LRBA: variants seen among roughly 807,000 people sequenced by gnomAD.
LRBA encodes LPS responsive beige-like anchor protein, also known as lipopolysaccharide-responsive and beige-like anchor protein.
A neutral mutation model predicts 330.0 loss-of-function variants in LRBA; 176 were observed. The observed-to-expected ratio is 0.53, with a 90% CI of 0.47 to 0.60. The LOEUF is 0.60. LRBA is among the 20% of genes least tolerant of loss of function. LRBA has a pLI of 0.00. For missense variants in LRBA, 3,259 were observed against 3,444.8 expected (o/e 0.95, Z 1.35); for synonymous variants, 1,230 against 1,193.0 (o/e 1.03, Z -0.64).
intron 44 of LRBA, among the ~76,000 whole-genome samples, chr4:150,460,234 T>C (rs986796267): frequency 6.6e-6 from 1 of 151,894 alleles, no homozygotes; most frequent in Non-Finnish European, 1.5e-5. Context: ...TCAAGATGCA[T>C]GCTGTATATT....
At chr4:150,639,588 C>CAAAAAA (rs879128535) in intron 37 of LRBA, among the ~76,000 whole-genome samples, 2 of 46,266 alleles carry the variant, frequency 4.3e-5, no homozygotes, top group East Asian at 6.4e-4. Flanking sequence ...GCAGAAGGAG[C>CAAAAAA]AAAAAAAAAA....
At chr4:150,774,535 G>A (rs549762744) in intron 34 of LRBA, among the ~76,000 whole-genome samples, 23 of 152,312 alleles carry the variant, frequency 1.5e-4, no homozygotes, top group African/African-American at 5.5e-4. Flanking sequence ...AATACTGACT[G>A]ACTTGTAGAA....
intron 2 of LRBA, among the ~76,000 whole-genome samples, chr4:151,009,794 C>G (rs1245284528): frequency 6.6e-6 from 1 of 151,778 alleles, no homozygotes; most frequent in Non-Finnish European, 1.5e-5. Flanking sequence ...TCCTGGCTAA[C>G]ACGGTTAAAC....
At chr4:150,463,544 C>T (rs758973068) in intron 44 of LRBA, among the ~76,000 whole-genome samples, 98 of 151,958 alleles carry the variant, frequency 6.4e-4, no homozygotes, top group Non-Finnish European at 1.1e-3. Flanking sequence ...TGCAGCCCCC[C>T]CTTTTTTACT....
chr4:150,314,068 A>G (rs1375455296), intron 51 of LRBA, among the ~76,000 whole-genome samples: 1 of 151,916 alleles, frequency 6.6e-6, no homozygotes, highest in East Asian at 1.9e-4. Flanking sequence ...AATATTTACT[A>G]TCTGGCCCTT....
intron 37 of LRBA, among the ~76,000 whole-genome samples, chr4:150,640,103 C>T (rs751652305): frequency 8.6e-5 from 13 of 151,546 alleles, no homozygotes; most frequent in Admixed American, 5.9e-4. Flanking sequence ...GCAATCGACC[C>T]GCCTTGGCCT....
At chr4:150,859,421 G>A (rs1234096097) in intron 22 of LRBA, among the ~76,000 whole-genome samples, 1 of 151,854 alleles carries the variant, frequency 6.6e-6, no homozygotes, top group Non-Finnish European at 1.5e-5. Context: ...ATCATACCAA[G>A]TGAAAAAAAG....
At chr4:150,725,441 G>C (rs900968921) in intron 36 of LRBA, among the ~76,000 whole-genome samples, 1 of 152,186 alleles carries the variant, frequency 6.6e-6, no homozygotes, top group African/African-American at 2.4e-5. Context: ...CATATTTAAA[G>C]TGCTGAAAGA....
intron 47 of LRBA, among the ~76,000 whole-genome samples, chr4:150,377,720 C>T (rs1166138137): frequency 6.6e-6 from 1 of 151,958 alleles, no homozygotes; most frequent in South Asian, 2.1e-4. Context: ...TTTATAGGAG[C>T]CTGGAGTCTA....
At chr4:150,803,101 CACACACACAT>C (rs1741966752) in intron 33 of LRBA, among the ~76,000 whole-genome samples, 1 of 146,658 alleles carries the variant, frequency 6.8e-6, no homozygotes, top group South Asian at 2.1e-4. Flanking sequence ...CACACACACA[CACACACACAT>C]ATATACACAC....
intron 36 of LRBA, among the ~76,000 whole-genome samples, chr4:150,713,380 T>C (rs1480334322): frequency 6.6e-6 from 1 of 152,190 alleles, no homozygotes; most frequent in East Asian, 1.9e-4. Context: ...AAAGTTGGCA[T>C]ATTACATTAT....
intron 53 of LRBA, among the ~76,000 whole-genome samples, chr4:150,298,231 A>G (rs1292852189): frequency 2.6e-5 from 4 of 152,320 alleles, no homozygotes; most frequent in Admixed American, 2.0e-4. Context: ...ATGCATACAC[A>G]TAAGCACATG....
chr4:150,814,294 G>A (rs148704867), intron 31 of LRBA, among the ~76,000 whole-genome samples: 6 of 152,104 alleles, frequency 3.9e-5, no homozygotes, highest in Admixed American at 3.9e-4. Context: ...CTATTTGGGA[G>A]GTTGGGGTAG....
chr4:150,577,830 AAC>A (rs1463609964), intron 40 of LRBA, among the ~76,000 whole-genome samples: 1 of 152,222 alleles, frequency 6.6e-6, no homozygotes, highest in East Asian at 1.9e-4. Context: ...CAAAAAATAA[AAC>A]AGTTTAAGAA....
Position 150,310,238 on chromosome 4 carries a change from T to C in LRBA, c.7840A>G (p.Thr2614Ala), listed in dbSNP as rs148991943. Reference sequence around the variant, plus strand: ...AGAAAATGAAAATTACCTGTGTCTGTAGAATAGACTCTGAAACTTTTATCC... The same window carrying C: ...AGAAAATGAAAATTACCTGTGTCTGCAGAATAGACTCTGAAACTTTTATCC... ...FWDKSFRVYS[T>A]DTGRLIQVVF... The change falls in exon 52 of 57, where the codon ACA (threonine) becomes GCA (alanine). Residue 2614 changes from threonine to alanine, a missense_variant. By Grantham distance (58) the Thr-to-Ala change is moderately conservative (BLOSUM62 0). Coordinates refer to ENST00000651943, the MANE Select transcript of LRBA (RefSeq NM_001364905.1). 8.6e-5 allele frequency: 139 copies of C among 1,610,748 alleles called. No individual in the cohort carries two copies. Among genetic ancestry groups the C allele is most frequent in the Admixed American group, 1.8e-4 (11 of 59,898 alleles).
Position 150,497,589 on chromosome 4 carries a change from T to C in LRBA, c.6331-6554A>G, listed in dbSNP as rs899927503. On this transcript the variant is annotated intron_variant, in intron 40 of 56. Transcript: ENST00000651943. ...TTTCAAGTACTATGATGTAGTATAG[T>C]ATTCATAGCATTTCATGGGTGACAA... Among the ~76,000 whole-genome samples, 3 of 152,216 alleles carry C rather than the reference T, an allele frequency of 2.0e-5. 1 individual carries two copies. Among genetic ancestry groups the C allele is most frequent in the Non-Finnish European group, 4.4e-5 (3 of 68,040 alleles).
chr4:150,348,578 A>G (rs1395936625), intron 48 of LRBA, among the ~76,000 whole-genome samples: 1 of 152,202 alleles, frequency 6.6e-6, no homozygotes, highest in Non-Finnish European at 1.5e-5. Flanking sequence ...ATTAAATACA[A>G]CCAATCTCTT....
At chr4:150,324,490 T>C (rs985526901) in intron 49 of LRBA, among the ~76,000 whole-genome samples, 2 of 151,452 alleles carry the variant, frequency 1.3e-5, no homozygotes, top group African/African-American at 2.4e-5. Flanking sequence ...GTATAGCTTA[T>C]GATGGCCAAT....
chr4:150,583,875 C>G lies in LRBA; in HGVS notation c.6330+4173G>C. 2 of 1,613,668 alleles carry G rather than the reference C, an allele frequency of 1.2e-6. No homozygotes were observed. The highest frequency in any genetic ancestry group is 1.7e-4 in the Middle Eastern group (1 of 6,054). ...TGAAGACGCTGCTGCTGTACGAGTG[C>G]GAGAAACACCCACGAGAAACGGACT... On this transcript the variant is annotated intron_variant, in intron 40 of 56. Transcript: ENST00000651943. This position sits in a 1 kb window ranked among gnomAD's most constrained non-coding sequence, Gnocchi z 9.8.
Sources: gnomAD v4.1 joint callset for allele counts (sites outside exome capture counted in the v4.1 genomes callset) on GRCh38, gnomAD v4.1.1 for gene constraint, Gnocchi (gnomAD v3.1) non-coding constraint, MANE v1.5 for transcripts, NCBI Gene and HGNC (gene_info 2026-07-23, HGNC 2026-07-21) for gene names.